The following PLA2G3 variants were observed in gnomAD, a reference collection of about 807,000 sequenced individuals.
PLA2G3 encodes phospholipase A2 group III.
In PLA2G3, 39 loss-of-function variants were observed where a neutral mutation model predicts 51.3. The ratio of observed to expected loss-of-function variants is 0.76; its 90% CI spans 0.59 to 0.99. PLA2G3 has a LOEUF of 0.99. Ranked by LOEUF, PLA2G3 falls within the 50% of genes least tolerant of loss-of-function variation. The pLI, the probability that PLA2G3 is intolerant of heterozygous loss-of-function variation, is 0.00. For synonymous variants in PLA2G3, 293 were observed against 263.1 expected, an observed-to-expected ratio of 1.11 and a Z score of -1.10; for missense variants, 677 against 662.1, an observed-to-expected ratio of 1.02 and a Z score of -0.25.
intron 4 of PLA2G3, 108 bp downstream of exon 4, chr22:31,137,602 C>T (rs1922650217): frequency 9.6e-7 from 1 of 1,040,954 alleles, no homozygotes; most frequent in African/African-American, 1.6e-5. Flanking sequence ...GTTGGGAAAT[C>T]CCAGGAGGAA....
chr22:31,136,408 C>G (rs149939187), intron 6 of PLA2G3, among the ~76,000 whole-genome samples: 7 of 152,110 alleles, frequency 4.6e-5, no homozygotes, highest in African/African-American at 1.7e-4. Flanking sequence ...TTGGTTCCTA[C>G]GACCATTTTA....
In PLA2G3 at chr22:31,136,707, G is replaced by A. The variant is rs747256922; in HGVS notation, c.1292C>T (p.Pro431Leu). The A allele has an allele frequency of 1.2e-6, 2 of 1,613,542 alleles. No individual in the cohort carries two copies. Among genetic ancestry groups the A allele is most frequent in the Non-Finnish European group, 1.7e-6 (2 of 1,179,798 alleles). Reference sequence around the variant, plus strand: ...CTTTTTGCCTTCCACACAGTCCAGTGGAGGGGCCAGCTTGAAGCAGGTTGT... The same window carrying A: ...CTTTTTGCCTTCCACACAGTCCAGTAGAGGGGCCAGCTTGAAGCAGGTTGT... Reference protein sequence around the residue: ...LGTTCFKLAPPLDCVEGKNCS... With the variant: ...LGTTCFKLAPLLDCVEGKNCS... The change falls in exon 6 of 7, where the codon CCA becomes CTA. Residue 431 changes from proline (P) to leucine (L), a missense_variant. Physicochemically the swap from Pro to Leu is moderately conservative, Grantham distance 98. Coordinates refer to ENST00000215885, the MANE Select transcript of PLA2G3 (RefSeq NM_015715.5).
chr22:31,140,198 G>A lies in PLA2G3; in HGVS notation c.157C>T (p.Gln53Ter), dbSNP rs1387276653. Residue 53 changes from glutamine to a stop codon, truncating the protein, a stop_gained, in exon 1 of 7, where the codon CAG becomes TAG. Transcript: ENST00000215885. LOFTEE classifies it high-confidence loss of function. Reference sequence around the variant, plus strand: ...CGGGCATGGATCAGGGCCAGTCCCTGAGCATCCTTGGCCAGGAAGCTCAGG... The same window carrying A: ...CGGGCATGGATCAGGGCCAGTCCCTAAGCATCCTTGGCCAGGAAGCTCAGG... ...GYLSFLAKDA[Q>*]GLALIHARWD... The A allele has an allele frequency of 1.2e-5, 19 of 1,612,670 alleles. No individual in the cohort carries two copies. The highest frequency in any genetic ancestry group is 1.5e-5 in the Non-Finnish European group (18 of 1,179,972).
chr22:31,136,543 T>C, intron 6 of PLA2G3, 140 bp downstream of exon 6: 1 of 679,644 alleles, frequency 1.5e-6, no homozygotes, highest in Non-Finnish European at 2.5e-6. Context: ...CAGCAGGGGG[T>C]AGAGGGATGA....
chr22:31,138,096 C>A, intron 3 of PLA2G3, 103 bp from the exon 4 acceptor site: 1 of 1,383,920 alleles, frequency 7.2e-7, no homozygotes, highest in Non-Finnish European at 9.7e-7. Flanking sequence ...TCCCATCCCC[C>A]ATCCCGCTGG....
rs765169182 is a variant in PLA2G3, at chr22:31,136,940, T to C, written c.1167A>G (p.Gln389=). ...EIEFQLLNSA[Q]EPLFHCNCTR... is the part of the protein sequence containing the mutation. ...TGCAGTTGCAGTGGAAGAGGGGCTC[T>C]TGGGCGCTGTTGAGCAGCTGGAACT... The change falls in exon 5 of 7, where the codon CAA becomes CAG. Residue 389 remains glutamine (Q), a synonymous_variant. Transcript: ENST00000215885. 6.2e-7 allele frequency: 1 copy of C among 1,603,838 alleles called. No individual in the cohort carries two copies. Among genetic ancestry groups the C allele is most frequent in the South Asian group, 1.1e-5 (1 of 90,084 alleles).
intron 3 of PLA2G3, 100 bp from the exon 4 acceptor site, chr22:31,138,093 C>T: frequency 7.2e-7 from 1 of 1,385,160 alleles, no homozygotes; most frequent in Non-Finnish European, 9.7e-7. Context: ...CAGTCCCATC[C>T]CCCATCCCGC....
At chr22:31,139,679 T>A (rs1235081049) in intron 1 of PLA2G3, among the ~76,000 whole-genome samples, 162 bp downstream of exon 1, 1 of 152,144 alleles carries the variant, frequency 6.6e-6, no homozygotes, top group Non-Finnish European at 1.5e-5. Context: ...CACCCCATGA[T>A]GAGATTCGTG....
In PLA2G3 at chr22:31,140,002, C is replaced by T; in HGVS notation, c.353G>A (p.Cys118Tyr). ...TGCTGGACTCTCCTCAAGCGCTCGG[C>T]ATGCCTCCCACTGACTCTGAAGAGT... ...LATLQSQWEA[C>Y]RALEESPAGA... The change falls in exon 1 of 7, where the codon TGC (cysteine) becomes TAC (tyrosine). Residue 118 changes from cysteine (C) to tyrosine (Y), a missense_variant. Cys to Tyr is a radical substitution (Grantham distance 194, BLOSUM62 -2). Coordinates refer to ENST00000215885, the MANE Select transcript of PLA2G3 (RefSeq NM_015715.5). 3.1e-6 allele frequency: 5 copies of T among 1,613,838 alleles called. No individual in the cohort carries two copies. The highest frequency in any genetic ancestry group is 2.2e-5 in the South Asian group (2 of 91,066).
Position 31,137,886 on chromosome 22 carries a change from G to A in PLA2G3, c.890C>T (p.Pro297Leu). The change falls in exon 4 of 7, where the codon CCA (proline) becomes CTA (leucine). Residue 297 changes from proline to leucine, a missense_variant. Coordinates refer to ENST00000215885, the MANE Select transcript of PLA2G3 (RefSeq NM_015715.5). ...CTTCTGTCGAGGCTTGGGAGGGGCT[G>A]GGCTCCGGGAGCTGGGAGTTGGGGA... is the stretch of plus-strand genomic sequence containing the variant. The part of the protein sequence containing the change: ...ATSPTPSSRS[P>L]APPKPRQKQH... 6.2e-7 allele frequency: 1 copy of A among 1,613,904 alleles called. No individual in the cohort carries two copies. Among genetic ancestry groups the A allele is most frequent in the South Asian group, 1.1e-5 (1 of 91,080 alleles).
At chr22:31,138,113 G>A in intron 3 of PLA2G3, 120 bp from the exon 4 acceptor site, 1 of 1,351,914 alleles carries the variant, frequency 7.4e-7, no homozygotes, top group Non-Finnish European at 1.0e-6. Flanking sequence ...CTGGGTTGTG[G>A]GGGACACCCA....
At chr22:31,136,086 A>G (rs2147892631) in intron 6 of PLA2G3, 150 bp from the exon 7 acceptor site, 2 of 646,014 alleles carry the variant, frequency 3.1e-6, no homozygotes, top group South Asian at 3.9e-5. Context: ...GAGAAAGGGT[A>G]TAATAAACCG....
At chr22:31,137,420 T>C (rs1412868089) in intron 4 of PLA2G3, among the ~76,000 whole-genome samples, 3 of 152,122 alleles carry the variant, frequency 2.0e-5, no homozygotes, top group Non-Finnish European at 4.4e-5. Context: ...TTTGTGAAAC[T>C]AGAGTTTTGA....
chr22:31,137,650 A>C, intron 4 of PLA2G3, 60 bp downstream of exon 4: 1 of 1,483,736 alleles, frequency 6.7e-7, no homozygotes, highest in East Asian at 2.3e-5. Flanking sequence ...GGCCACCCCT[A>C]AACAGAAGCA....
Position 31,140,293 on chromosome 22 carries a change from G to T in PLA2G3, c.62C>A (p.Ser21Tyr), listed in dbSNP as rs1341806510. Reference protein sequence around the residue: ...LGFLGVALGGSPALRWYRTSC... With the variant: ...LGFLGVALGGYPALRWYRTSC... ...GGTCCTGTACCAGCGGAGGGCAGGG[G>T]AGCCCCCCAGGGCCACCCCCAGGAA... Residue 21 changes from serine to tyrosine, a missense_variant, in exon 1 of 7, where the codon TCC becomes TAC. By Grantham distance (144) the Ser-to-Tyr change is moderately radical. Coordinates refer to ENST00000215885, the MANE Select transcript of PLA2G3 (RefSeq NM_015715.5). 2.5e-6 allele frequency: 4 copies of T among 1,610,944 alleles called. No individual in the cohort carries two copies. Among genetic ancestry groups the T allele is most frequent in the Non-Finnish European group, 3.4e-6 (4 of 1,179,684 alleles).
chr22:31,139,730 T>C lies in PLA2G3; in HGVS notation c.514+111A>G, dbSNP rs367939506. ...CAGATAAGGAAATTGAGGTTCACCA[T>C]GGTCAAGTCACTCCCCCAGGGACAC... is the stretch of plus-strand genomic sequence containing the variant. On this transcript the variant is annotated intron_variant, in intron 1 of 6. Coordinates refer to ENST00000215885, the MANE Select transcript of PLA2G3 (RefSeq NM_015715.5). 460 of 698,026 alleles carry C rather than the reference T, an allele frequency of 6.6e-4. 7 individuals carry two copies. The South Asian group carries it at 8.4e-3, about 13-fold the overall frequency. The allele number at this position is 698,026 out of a possible 1,614,324, so 43.2% of individuals were successfully genotyped here. A position where few individuals can be genotyped will look rare whatever the true frequency, so the allele number is the denominator to read the frequency against.
Position 31,138,279 on chromosome 22 carries a change from C to G in PLA2G3, c.779G>C (p.Gly260Ala). ...QEACVAWYWW[G>A]GCRMYGTVPL... ...ACATGAGGGGGTGGCCACGTACCCGCCCCACCAGTACCACGCCACACACGC... is the reference window on the plus strand; with the variant it reads ...ACATGAGGGGGTGGCCACGTACCCGGCCCACCAGTACCACGCCACACACGC... The change falls in exon 3 of 7, where the codon GGC becomes GCC. Residue 260 changes from glycine (G) to alanine (A), a missense_variant. By Grantham distance (60) the Gly-to-Ala change is moderately conservative (BLOSUM62 0). Coordinates refer to ENST00000215885, the MANE Select transcript of PLA2G3 (RefSeq NM_015715.5). The G allele has an allele frequency of 6.2e-7, 1 of 1,613,550 alleles. No homozygotes were observed. The highest frequency in any genetic ancestry group is 1.7e-5 in the Admixed American group (1 of 60,004).
At chr22:31,136,887 G>C (rs200825110) in intron 5 of PLA2G3, 21 bp downstream of exon 5, 1 of 1,607,594 alleles carries the variant, frequency 6.2e-7, no homozygotes, top group South Asian at 1.1e-5. Context: ...CCCACCCCGC[G>C]AGGGTTCAAA....
At chr22:31,136,848 G>T (rs1922597095) in intron 5 of PLA2G3, 49 bp from the exon 6 acceptor site, 1 of 1,600,834 alleles carries the variant, frequency 6.2e-7, no homozygotes, top group Non-Finnish European at 8.5e-7. Flanking sequence ...GCCAGCCAGG[G>T]GCCCCTTCCC....
Sources: gnomAD v4.1 joint callset for allele counts (sites outside exome capture counted in the v4.1 genomes callset) on GRCh38, gnomAD v4.1.1 for gene constraint, MANE v1.5 for transcripts, NCBI Gene and HGNC (gene_info 2026-07-23, HGNC 2026-07-21) for gene names.